Variants in P3H2 observed in about 807,000 individuals in gnomAD.
The protein encoded by P3H2 is leprecan-like 1.
P3H2 carries 80 observed loss-of-function variants against 87.0 expected under a neutral mutation model. The observed-to-expected ratio is 0.92, with a 90% confidence interval of 0.77 to 1.11. P3H2 has a LOEUF of 1.11. Among genes scored for constraint, P3H2 ranks in the 50% least tolerant of loss-of-function variants. The pLI, the probability that P3H2 is intolerant of heterozygous loss-of-function variation, is 0.00. For synonymous variants in P3H2, 367 were observed against 359.3 expected, an observed-to-expected ratio of 1.02 and a Z score of -0.24; for missense variants, 1,001 against 923.9, an observed-to-expected ratio of 1.08 and a Z score of -1.08.
intron 1 of P3H2, among the ~76,000 whole-genome samples, chr3:190,117,645 G>GT (rs11357414): frequency 0.017 from 2,088 of 125,684 alleles, 30 homozygotes; most frequent in African/African-American, 0.039. Context: ...TATTTGAGAG[G>GT]TTTTTTTTTT....
chr3:190,043,146 C>CGTGT (rs1725691877), intron 1 of P3H2, among the ~76,000 whole-genome samples: 1 of 81,986 alleles, frequency 1.2e-5, no homozygotes, highest in South Asian at 4.9e-4. Context: ...ATAATAGAAG[C>CGTGT]GTCTGTGTGT....
At chr3:189,966,429 A>G (rs978828634) in intron 13 of P3H2, among the ~76,000 whole-genome samples, 1 of 152,212 alleles carries the variant, frequency 6.6e-6, no homozygotes, top group African/African-American at 2.4e-5. Context: ...AAGTTTAGGA[A>G]AAGAAGCTGT....
rs76928644 is a variant in P3H2, at chr3:190,012,089, A to T, written c.481-16647T>A. Among the ~76,000 whole-genome samples the T allele has an allele frequency of 8.7e-3, 1,331 of 152,302 alleles. 8 individuals carry two copies. The highest frequency in any genetic ancestry group is 0.014 in the Non-Finnish European group (966 of 68,024). On this transcript the variant is annotated intron_variant, in intron 1 of 14. Transcript: ENST00000319332. ...CATGATTTCCTAAATAAATATTTCAAGCATGAAAGGGCTTCATCTTGAAAT... is the reference window on the plus strand; with the variant it reads ...CATGATTTCCTAAATAAATATTTCATGCATGAAAGGGCTTCATCTTGAAAT...
chr3:190,103,358 T>G (rs1299321878), intron 1 of P3H2, among the ~76,000 whole-genome samples: 1 of 152,200 alleles, frequency 6.6e-6, no homozygotes, highest in African/African-American at 2.4e-5. Flanking sequence ...ATTTAGGAGG[T>G]ATTGATCATA....
At chr3:190,081,405 TA>T (rs1727039014) in intron 1 of P3H2, among the ~76,000 whole-genome samples, 2 of 152,200 alleles carry the variant, frequency 1.3e-5, no homozygotes, top group Admixed American at 6.5e-5. Flanking sequence ...GGATTATTTT[TA>T]AAAAGGCTTT....
intron 1 of P3H2, among the ~76,000 whole-genome samples, chr3:190,031,056 G>A (rs567995606): frequency 6.6e-6 from 1 of 152,208 alleles, no homozygotes; most frequent in Middle Eastern, 3.4e-3. Flanking sequence ...CTGACACTTA[G>A]ATAAGGATGG....
At chr3:190,074,668 G>A (rs947365607) in intron 1 of P3H2, among the ~76,000 whole-genome samples, 8 of 152,242 alleles carry the variant, frequency 5.3e-5, no homozygotes, top group Admixed American at 4.6e-4. Context: ...AACCAGAGGG[G>A]AAAAACTAAA....
chr3:190,104,044 G>A (rs943702666), intron 1 of P3H2, among the ~76,000 whole-genome samples: 3 of 152,022 alleles, frequency 2.0e-5, no homozygotes, highest in African/African-American at 7.2e-5. Flanking sequence ...TGCCAGCCTC[G>A]GCTTCCCAAA....
At chr3:190,020,818 C>T (rs561232147) in intron 1 of P3H2, among the ~76,000 whole-genome samples, 1 of 133,436 alleles carries the variant, frequency 7.5e-6, no homozygotes, top group South Asian at 2.7e-4. Flanking sequence ...GAGTCCTTTT[C>T]CAAGGAGAGG....
In P3H2 at chr3:190,022,609, T is replaced by C. The variant is rs1046301540; in HGVS notation, c.481-27167A>G. Among the ~76,000 whole-genome samples the C allele has an allele frequency of 1.5e-5, 2 of 134,060 alleles. 1 individual carries two copies. The highest frequency in any genetic ancestry group is 3.3e-5 in the Non-Finnish European group (2 of 60,150). The allele number at this position is 134,060 out of a possible 152,430, so 87.9% of individuals were successfully genotyped here. A position where few individuals can be genotyped will look rare whatever the true frequency, so the allele number is the denominator to read the frequency against. ...ACACAAATTTCTCTATTTGCAAAGT[T>C]GGCAATTTAGAGGGTTTCTAAATAG... On this transcript the variant is annotated intron_variant, in intron 1 of 14. Transcript: ENST00000319332.
intron 1 of P3H2, among the ~76,000 whole-genome samples, chr3:190,097,066 A>G (rs1727610334): frequency 6.6e-6 from 1 of 152,306 alleles, no homozygotes; most frequent in East Asian, 1.9e-4. Flanking sequence ...TGGACAAGCC[A>G]TTAAACCTCC....
Position 189,957,726 on chromosome 3 carries a change from A to AGAGAGAG in P3H2, c.*185_*186insCTCTCTC, listed in dbSNP as rs1560334604. 4 of 528,286 alleles carry AGAGAGAG rather than the reference A, an allele frequency of 7.6e-6. No individual in the cohort carries two copies. The highest frequency in any genetic ancestry group is 3.4e-6 in the Non-Finnish European group (1 of 296,010). 32.7% of individuals were successfully genotyped at this position (528,286 alleles called of 1,614,324 possible). ...AGAGAGAGAGAGAGAGAGAGAGAGA[A>AGAGAGAG]AACAACCCAAAACAAGAAAGATAGA... On this transcript the variant is annotated 3_prime_UTR_variant, in exon 15 of 15. Transcript: ENST00000319332.
chr3:190,079,341 A>AAAATAAAT (rs200007107), intron 1 of P3H2, among the ~76,000 whole-genome samples: 2,715 of 142,012 alleles, frequency 0.019, 46 homozygotes, highest in Admixed American at 0.052. Context: ...TCTGTCTCAA[A>AAAATAAAT]AAATAAATAA....
At chr3:190,101,845 C>A (rs1036091522) in intron 1 of P3H2, among the ~76,000 whole-genome samples, 1 of 152,136 alleles carries the variant, frequency 6.6e-6, no homozygotes, top group African/African-American at 2.4e-5. Context: ...AATGTTAATG[C>A]CGGATGTTAA....
chr3:190,066,158 T>TATATATATATACATACACACAC (rs1256956930), intron 1 of P3H2, among the ~76,000 whole-genome samples: 5 of 134,600 alleles, frequency 3.7e-5, no homozygotes, highest in African/African-American at 1.6e-4. Context: ...TATATATATA[T>TATATATATATACATACACACAC]ACACACACAC....
Position 189,973,012 on chromosome 3 carries a change from C to G in P3H2, c.1561G>C (p.Gly521Arg). The change falls in exon 11 of 15, where the codon GGT becomes CGT. Residue 521 changes from glycine (G) to arginine (R), a missense_variant. By Grantham distance (125) the Gly-to-Arg change is moderately radical. Transcript: ENST00000319332. ...CGAGCGCTCTTCAGTGGGACTCGAC[C>G]TTCATAACCAGACTGAAAAAAAAAA... is the stretch of plus-strand genomic sequence containing the variant. The part of the protein sequence containing the change: ...VLKALKSGYE[G>R]RVPLKSARLF... The G allele has an allele frequency of 2.5e-6, 4 of 1,601,792 alleles. No individual in the cohort carries two copies. Among genetic ancestry groups the G allele is most frequent in the Non-Finnish European group, 3.4e-6 (4 of 1,175,846 alleles).
intron 6 of P3H2, among the ~76,000 whole-genome samples, chr3:189,984,946 A>T (rs945832870): frequency 6.6e-6 from 1 of 152,172 alleles, no homozygotes; most frequent in Non-Finnish European, 1.5e-5. Context: ...TAAAACAAGC[A>T]AACAAAATTG....
chr3:190,100,877 G>A lies in P3H2; in HGVS notation c.480+19375C>T, dbSNP rs374393121. Among the ~76,000 whole-genome samples the A allele has an allele frequency of 1.2e-3, 179 of 152,086 alleles. 5 individuals are homozygous for A. The South Asian group carries it at 0.033, about 28-fold the overall frequency. On this transcript the variant is annotated intron_variant, in intron 1 of 14. Coordinates refer to ENST00000319332, the MANE Select transcript of P3H2 (RefSeq NM_018192.4). ...TTTTCACAAATTGAAGGTTTGTGGC[G>A]ACCTTGCATCAGGCCACTTCTTTCA...
At chr3:189,996,722 G>A (rs936830048) in intron 1 of P3H2, among the ~76,000 whole-genome samples, 6 of 143,548 alleles carry the variant, frequency 4.2e-5, no homozygotes, top group Non-Finnish European at 7.7e-5. Flanking sequence ...CACTGTACCC[G>A]TAATTATGTA....
Sources: allele counts gnomAD v4.1 joint callset (sites outside exome capture counted in the v4.1 genomes callset), GRCh38; gene constraint gnomAD v4.1.1; transcripts MANE v1.5; gene names NCBI Gene and HGNC (gene_info 2026-07-23, HGNC 2026-07-21).